INPP4B: variants seen among roughly 807,000 people sequenced by gnomAD.
INPP4B encodes inositol polyphosphate 4-phosphatase type II.
In INPP4B, 55 loss-of-function variants were observed where a neutral mutation model predicts 122.5. The ratio of observed to expected loss-of-function variants is 0.45; its 90% CI spans 0.36 to 0.56. The LOEUF (loss-of-function observed/expected upper bound fraction) is 0.56, where lower values mean the gene tolerates loss of function less well. INPP4B is among the 20% of genes least tolerant of loss of function. The pLI is 0.00. For synonymous variants in INPP4B, 403 were observed against 388.7 expected (o/e 1.04, Z -0.43); for missense variants, 1,000 against 1,097.7 (o/e 0.91, Z 1.26).
At chr4:142,795,540 G>A (rs986216791) in intron 1 of INPP4B, 3 of 151,766 alleles carry the variant, frequency 2.0e-5, no homozygotes, top group African/African-American at 7.3e-5. Context: ...AATGTCCTTG[G>A]GCTGATAACT....
intron 3 of INPP4B, among the ~76,000 whole-genome samples, chr4:142,432,411 C>T (rs1463594581): frequency 2.0e-5 from 3 of 151,960 alleles, no homozygotes. Context: ...CAAAACGCTT[C>T]TTGAATTTTT....
intron 17 of INPP4B, among the ~76,000 whole-genome samples, chr4:142,153,859 G>T (rs1254668216): frequency 6.6e-6 from 1 of 152,190 alleles, no homozygotes; most frequent in Admixed American, 6.5e-5. Flanking sequence ...TCATGAATAT[G>T]CATGCACATA....
At chr4:142,108,006 T>C (rs1360950482) in intron 23 of INPP4B, 87 bp downstream of exon 23, 1 of 693,950 alleles carries the variant, frequency 1.4e-6, no homozygotes, top group South Asian at 1.7e-5. Context: ...CCTGCTTCTG[T>C]AGTCCACTGA....
intron 12 of INPP4B, among the ~76,000 whole-genome samples, chr4:142,232,841 G>A (rs887793103): frequency 3.9e-5 from 6 of 152,160 alleles, no homozygotes; most frequent in Non-Finnish European, 7.4e-5. Flanking sequence ...TATTGCTGAT[G>A]TGGAGAAAGT....
chr4:142,436,097 C>T (rs1339887973), intron 3 of INPP4B, among the ~76,000 whole-genome samples: 3 of 152,150 alleles, frequency 2.0e-5, no homozygotes, highest in Non-Finnish European at 4.4e-5. Flanking sequence ...GACTGGGTCC[C>T]GAGAGGTATT....
chr4:142,261,007 G>A (rs573184204), intron 10 of INPP4B, among the ~76,000 whole-genome samples: 18 of 152,268 alleles, frequency 1.2e-4, no homozygotes, highest in Middle Eastern at 3.4e-3. Flanking sequence ...GTTATATAGG[G>A]CAAAAGATTA....
At chr4:142,146,135 T>C (rs1810590156) in intron 17 of INPP4B, 139 bp from the exon 18 acceptor site, 2 of 896,588 alleles carry the variant, frequency 2.2e-6, no homozygotes, top group Middle Eastern at 4.6e-4. Context: ...TCCCATTAAT[T>C]TGGTCAGACT....
chr4:142,225,491 C>T (rs1275783563), intron 12 of INPP4B, among the ~76,000 whole-genome samples: 1 of 150,280 alleles, frequency 6.7e-6, no homozygotes, highest in Admixed American at 6.6e-5. Flanking sequence ...AGTTCTGTCC[C>T]TCTAGAGAAC....
rs1737553518 is a variant in INPP4B, at chr4:142,027,977, C to CTGA, written c.*802_*804dup. ...TGAACTTCACAACATAAAGTTCAGG[C>CTGA]TGATGGGAATTTTCATTTTGGGTAT... On this transcript the variant is annotated 3_prime_UTR_variant, in exon 26 of 26. Coordinates refer to ENST00000262992, the MANE Select transcript of INPP4B (RefSeq NM_001101669.3). 5.2e-6 allele frequency: 1 copy of CTGA among 191,924 alleles called. No homozygotes were observed. The highest frequency in any genetic ancestry group is 2.3e-5 in the African/African-American group (1 of 43,022). The allele number at this position is 191,924 out of a possible 1,614,324, so 11.9% of individuals were successfully genotyped here.
chr4:142,722,627 T>A (rs966856902), intron 2 of INPP4B, among the ~76,000 whole-genome samples: 1 of 152,212 alleles, frequency 6.6e-6, no homozygotes, highest in Non-Finnish European at 1.5e-5. Context: ...CATGTAAATT[T>A]TTCTTTAATA....
intron 2 of INPP4B, among the ~76,000 whole-genome samples, chr4:142,718,935 A>G (rs1474767592): frequency 1.3e-5 from 2 of 152,222 alleles, no homozygotes; most frequent in Non-Finnish European, 2.9e-5. Context: ...GAACTAGCTC[A>G]GTTAGCCCCA....
At chr4:142,585,025 C>A (rs890367307) in intron 2 of INPP4B, among the ~76,000 whole-genome samples, 2 of 152,102 alleles carry the variant, frequency 1.3e-5, no homozygotes, top group African/African-American at 4.8e-5. Flanking sequence ...TCAGTTGGCT[C>A]CTGGACCCCT....
intron 12 of INPP4B, among the ~76,000 whole-genome samples, chr4:142,214,381 T>C (rs921306228): frequency 6.6e-6 from 1 of 152,308 alleles, no homozygotes; most frequent in East Asian, 1.9e-4. Context: ...GGATTTGTAA[T>C]ACAGTCTGGA....
intron 2 of INPP4B, among the ~76,000 whole-genome samples, chr4:142,597,220 C>T (rs1416858693): frequency 6.6e-6 from 1 of 152,192 alleles, no homozygotes; most frequent in East Asian, 1.9e-4. Context: ...ATTATTCTGT[C>T]TTAATGTTCA....
rs1561673909 is a variant in INPP4B, at chr4:142,263,643, T to TAC, written c.616-3080_616-3079insGT. ...ACAAATGAGATAAATTCGTAAAATA[T>TAC]ATATATATATATATATATATATATA... On this transcript the variant is annotated intron_variant, in intron 10 of 25. Transcript: ENST00000262992. 5.8e-3 allele frequency among the ~76,000 whole-genome samples: 292 copies of TAC among 50,190 alleles called. 5 individuals are homozygous for TAC. The highest frequency in any genetic ancestry group is 0.026 in the African/African-American group (276 of 10,562). The allele number at this position is 50,190 out of a possible 152,430, so 32.9% of individuals were successfully genotyped here. A position where few individuals can be genotyped will look rare whatever the true frequency, so the allele number is the denominator to read the frequency against.
intron 5 of INPP4B, among the ~76,000 whole-genome samples, chr4:142,409,470 G>A (rs987038415): frequency 1.3e-5 from 2 of 150,494 alleles, no homozygotes; most frequent in Non-Finnish European, 2.9e-5. Context: ...TCTAGCCTGG[G>A]CAACAGAGCG....
intron 2 of INPP4B, among the ~76,000 whole-genome samples, chr4:142,697,758 A>C (rs1761212109): frequency 6.6e-6 from 1 of 152,204 alleles, no homozygotes; most frequent in South Asian, 2.1e-4. Flanking sequence ...AAGCTGGATC[A>C]AGTAGAAATC....
At chr4:142,209,953 T>C (rs1844221481) in intron 12 of INPP4B, among the ~76,000 whole-genome samples, 1 of 152,172 alleles carries the variant, frequency 6.6e-6, no homozygotes, top group Admixed American at 6.5e-5. Context: ...AACCATGTCA[T>C]TTAGGCTTCA....
At chr4:142,672,919 G>A (rs1436405534) in intron 2 of INPP4B, among the ~76,000 whole-genome samples, 1 of 152,086 alleles carries the variant, frequency 6.6e-6, no homozygotes, top group East Asian at 1.9e-4. Context: ...TATTACGTGA[G>A]GTATAGGTTG....
Sources: allele counts gnomAD v4.1 joint callset (sites outside exome capture counted in the v4.1 genomes callset), GRCh38; gene constraint gnomAD v4.1.1; transcripts MANE v1.5; gene names NCBI Gene and HGNC (gene_info 2026-07-23, HGNC 2026-07-21).